IL5RA: variants seen among roughly 807,000 people sequenced by gnomAD.
IL5RA encodes the protein interleukin 5 receptor subunit alpha.
Under a neutral mutation model 50.0 loss-of-function variants are expected in IL5RA, and 49 were observed. The ratio of observed to expected loss-of-function variants is 0.98; its 90% CI spans 0.78 to 1.24. IL5RA has a LOEUF of 1.24. Among genes scored for constraint, IL5RA ranks in the 50% most tolerant of loss-of-function variants. IL5RA has a pLI of 0.00. For synonymous variants in IL5RA, 202 were observed against 174.0 expected (o/e 1.16, Z -1.26); for missense variants, 600 against 500.4 (o/e 1.20, Z -1.90).
chr3:3,089,809 A>C (rs1703014985), intron 9 of IL5RA, among the ~76,000 whole-genome samples: 1 of 152,114 alleles, frequency 6.6e-6, no homozygotes, highest in African/African-American at 2.4e-5. Flanking sequence ...TTTTTAGTAG[A>C]GACAAGTTTC....
Position 3,101,838 on chromosome 3 carries a change from T to C in IL5RA, c.229-8A>G. The C allele has an allele frequency of 6.2e-7, 1 of 1,612,546 alleles. No homozygotes were observed. Among genetic ancestry groups the C allele is most frequent in the South Asian group, 1.1e-5 (1 of 90,808 alleles). ...AGTGATTCTGGTTTCATACTAAAAA[T>C]AAAACCCACAAGTCATGATACATAA... On this transcript the variant is annotated splice_polypyrimidine_tract_variant and splice_region_variant and intron_variant, in intron 4 of 11. Coordinates refer to ENST00000446632, the MANE Select transcript of IL5RA (RefSeq NM_175726.4).
chr3:3,105,043 T>C (rs909890796), intron 2 of IL5RA, 56 bp from the exon 3 acceptor site: 16 of 1,089,384 alleles, frequency 1.5e-5, no homozygotes, highest in Admixed American at 3.6e-5. Flanking sequence ...TAAGAAAAAC[T>C]GATAGCTGCT....
At chr3:3,071,753 G>C (rs1271480624) in intron 11 of IL5RA, among the ~76,000 whole-genome samples, 1 of 152,048 alleles carries the variant, frequency 6.6e-6, no homozygotes, top group Non-Finnish European at 1.5e-5. Flanking sequence ...CCGTGCCTGA[G>C]TAATTTTTGT....
At chr3:3,073,975 C>A (rs1356545525) in intron 11 of IL5RA, 3 of 257,514 alleles carry the variant, frequency 1.2e-5, no homozygotes, top group Admixed American at 1.1e-4. Flanking sequence ...ATCAGATAGT[C>A]CAGAAATAGA....
intron 9 of IL5RA, among the ~76,000 whole-genome samples, chr3:3,088,773 T>C (rs572750846): frequency 2.6e-5 from 4 of 152,138 alleles, no homozygotes; most frequent in East Asian, 1.9e-4. Context: ...ATTGAATACA[T>C]ATAGAGAGAG....
rs1257144055 is a variant in IL5RA, at chr3:3,066,668, C to T, written c.*3557G>A. On this transcript the variant is annotated 3_prime_UTR_variant, in exon 12 of 12. Coordinates refer to ENST00000446632, the MANE Select transcript of IL5RA (RefSeq NM_175726.4). ...CTTCTTAATTCCACCAGCAGATGGT[C>T]CTGACACATAGAAGTCTCACCATGA... The T allele has an allele frequency of 6.6e-6, 1 of 152,254 alleles. No homozygotes were observed. The highest frequency in any genetic ancestry group is 6.5e-5 in the Admixed American group (1 of 15,284). The allele number at this position is 152,254 out of a possible 1,614,324, so 9.4% of individuals were successfully genotyped here.
At chr3:3,070,496 A>C (rs1559858147) in intron 11 of IL5RA, among the ~76,000 whole-genome samples, 185 bp from the exon 12 acceptor site, 1 of 151,098 alleles carries the variant, frequency 6.6e-6, no homozygotes, top group Non-Finnish European at 1.5e-5. Flanking sequence ...TCCCAAACAC[A>C]GCCCACTGCT....
In IL5RA at chr3:3,074,153, A is replaced by C. The variant is rs148508351; in HGVS notation, c.1176+629T>G. On this transcript the variant is annotated intron_variant, in intron 11 of 11. Transcript: ENST00000446632. ...ATGGTGAACAGGCCTAAGAAAATGCATATTGGGTAAAATAATTTGCCTTTT... is the reference window on the plus strand; with the variant it reads ...ATGGTGAACAGGCCTAAGAAAATGCCTATTGGGTAAAATAATTTGCCTTTT... 3.3e-5 allele frequency among the ~76,000 whole-genome samples: 5 copies of C among 152,358 alleles called. No individual in the cohort carries two copies. In the East Asian group the frequency reaches 9.6e-4, roughly 29 times the overall value.
At chr3:3,070,575 CTTTTTTTTTTTTTTT>C (rs71058670) in intron 11 of IL5RA, among the ~76,000 whole-genome samples, 1 of 84,902 alleles carries the variant, frequency 1.2e-5, no homozygotes, top group Non-Finnish European at 2.1e-5. Context: ...GGATACACAT[CTTTTTTTTTTTTTTT>C]TTTTTTTTTT....
chr3:3,075,494 TC>T (rs1702447604), intron 10 of IL5RA, among the ~76,000 whole-genome samples: 1 of 151,424 alleles, frequency 6.6e-6, no homozygotes, highest in East Asian at 2.0e-4. Context: ...TGAGTCACCA[TC>T]CCCAGCCGAG....
At chr3:3,089,798 A>G (rs1703014663) in intron 9 of IL5RA, among the ~76,000 whole-genome samples, 1 of 151,938 alleles carries the variant, frequency 6.6e-6, no homozygotes, top group Non-Finnish European at 1.5e-5. Context: ...AATTTTTTGT[A>G]TTTTTAGTAG....
chr3:3,108,392 TA>T (rs1397625840), intron 2 of IL5RA, among the ~76,000 whole-genome samples, 157 bp downstream of exon 2: 1 of 152,224 alleles, frequency 6.6e-6, no homozygotes. Flanking sequence ...GCTGTAAACA[TA>T]AAACTCTCTG....
At chr3:3,081,389 C>T (rs889381855) in intron 9 of IL5RA, among the ~76,000 whole-genome samples, 9 of 152,176 alleles carry the variant, frequency 5.9e-5, no homozygotes, top group African/African-American at 1.9e-4. Flanking sequence ...ATTCTGACAA[C>T]CACATTCAGA....
intron 3 of IL5RA, among the ~76,000 whole-genome samples, chr3:3,104,401 A>T (rs1185937920): frequency 1.3e-5 from 2 of 152,234 alleles, no homozygotes; most frequent in Non-Finnish European, 2.9e-5. Context: ...CAATAGTCAC[A>T]TATGGCTAGT....
At chr3:3,104,478 C>T (rs1289769634) in intron 3 of IL5RA, among the ~76,000 whole-genome samples, 5 of 152,204 alleles carry the variant, frequency 3.3e-5, no homozygotes, top group African/African-American at 1.2e-4. Context: ...GTTGACAATG[C>T]TAGACTGGGA....
chr3:3,073,697 ATAAGACT>A, intron 11 of IL5RA: 3 of 405,916 alleles, frequency 7.4e-6, no homozygotes. Flanking sequence ...ATGTTTATAG[ATAAGACT>A]TAGGATGTCA....
rs1702252024 is a variant in IL5RA, at chr3:3,070,229, AAC to A, written c.1257_1258del (p.Phe420LeufsTer19). ...CAGAGGATGCCAAAGTGACAGTCAA[AAC>A]ACAGAATCCTCCAGGGTCTCAACTC... On this transcript the variant is annotated frameshift_variant, in exon 12 of 12. Transcript: ENST00000446632. LOFTEE classifies it high-confidence loss of function. The A allele has an allele frequency of 1.2e-6, 2 of 1,609,112 alleles. No individual in the cohort carries two copies. The highest frequency in any genetic ancestry group is 1.7e-6 in the Non-Finnish European group (2 of 1,175,988).
chr3:3,101,137 C>T (rs1703631944), intron 5 of IL5RA, among the ~76,000 whole-genome samples: 1 of 150,820 alleles, frequency 6.6e-6, no homozygotes. Flanking sequence ...CAAGAACACA[C>T]CACTGCACTT....
At position 3,067,014 on chromosome 3, in the gene IL5RA, T is replaced by C. The variant is rs992336902; in HGVS notation, c.*3211A>G. Reference sequence around the variant, plus strand: ...CGTCCTAGTGAGAGATGGCAAGAGATGGGAGCCAATATCATGACTTTACCT... The same window carrying C: ...CGTCCTAGTGAGAGATGGCAAGAGACGGGAGCCAATATCATGACTTTACCT... On this transcript the variant is annotated 3_prime_UTR_variant, in exon 12 of 12. Transcript: ENST00000446632. 3 of 152,230 alleles carry C rather than the reference T, an allele frequency of 2.0e-5. No homozygotes were observed. Among genetic ancestry groups the C allele is most frequent in the African/African-American group, 7.2e-5 (3 of 41,462 alleles). The allele number at this position is 152,230 out of a possible 1,614,324, so 9.4% of individuals were successfully genotyped here. A position where few individuals can be genotyped will look rare whatever the true frequency, so the allele number is the denominator to read the frequency against.
Sources: allele counts gnomAD v4.1 joint callset (sites outside exome capture counted in the v4.1 genomes callset), GRCh38; gene constraint gnomAD v4.1.1; transcripts MANE v1.5; gene names NCBI Gene and HGNC (gene_info 2026-07-23, HGNC 2026-07-21).